Variants in ZCCHC14 observed in about 807,000 individuals in gnomAD.
The protein encoded by ZCCHC14 is zinc finger CCHC-type containing 14.
ZCCHC14 carries 16 observed loss-of-function variants against 85.0 expected under a neutral mutation model. That is an observed-to-expected ratio of 0.19 (90% confidence interval 0.13 to 0.29). ZCCHC14 has a LOEUF of 0.29. Ranked by LOEUF, ZCCHC14 falls within the 10% of genes least tolerant of loss-of-function variation. ZCCHC14 has a pLI of 1.00. For synonymous variants in ZCCHC14, 775 were observed against 630.7 expected (o/e 1.23, Z -3.43); for missense variants, 1,303 against 1,443.5 (o/e 0.90, Z 1.58).
chr16:87,492,395 G>A lies in ZCCHC14; in HGVS notation c.-157C>T, dbSNP rs1912810049. Reference sequence around the variant, plus strand: ...CGCGGGCGCCGCGGGCCGGGCGGGCGCCGGGGCGGGGGCGGGGACCGGGGC... The same window carrying A: ...CGCGGGCGCCGCGGGCCGGGCGGGCACCGGGGCGGGGGCGGGGACCGGGGC... On this transcript the variant is annotated 5_prime_UTR_variant, in exon 1 of 13. Transcript: ENST00000671377. This position sits in a 1 kb window ranked among gnomAD's most constrained non-coding sequence, Gnocchi z 6.7. Among the ~76,000 whole-genome samples, 1 of 144,462 alleles carries A rather than the reference G, an allele frequency of 6.9e-6. No individual in the cohort carries two copies. The allele number at this position is 144,462 out of a possible 152,430, so 94.8% of individuals were successfully genotyped here.
Position 87,412,704 on chromosome 16 carries a change from G to A in ZCCHC14, c.2017C>T (p.Leu673=), listed in dbSNP as rs992661876. The change falls in exon 12 of 13, where the codon CTA becomes TTA. Residue 673 remains leucine (L), a synonymous_variant. Coordinates refer to ENST00000671377, the MANE Select transcript of ZCCHC14 (RefSeq NM_015144.3). ...CCAGATCCTTTATTCCTTTCTTCTA[G>A]AGACAAAAGTGAGTGCACAGAAGAC... ...LSSSVHSLLS[L]EERNKGSGPR... 14 of 1,614,086 alleles carry A rather than the reference G, an allele frequency of 8.7e-6. No homozygotes were observed. The highest frequency in any genetic ancestry group is 1.7e-5 in the Admixed American group (1 of 60,008).
intron 9 of ZCCHC14, among the ~76,000 whole-genome samples, 171 bp from the exon 10 acceptor site, chr16:87,414,712 G>A (rs913763515): frequency 6.6e-6 from 1 of 152,214 alleles, no homozygotes; most frequent in Non-Finnish European, 1.5e-5. Context: ...TTAAGGCAAG[G>A]AACTCATTCT....
At chr16:87,413,899 T>G (rs1176563782) in intron 10 of ZCCHC14, among the ~76,000 whole-genome samples, 1 of 152,210 alleles carries the variant, frequency 6.6e-6, no homozygotes, top group African/African-American at 2.4e-5. Flanking sequence ...TTTCTGGACC[T>G]GATCATTTTG....
At chr16:87,454,723 C>CTA (rs1910868859) in intron 2 of ZCCHC14, among the ~76,000 whole-genome samples, 1 of 152,194 alleles carries the variant, frequency 6.6e-6, no homozygotes, top group Non-Finnish European at 1.5e-5. Context: ...ATATAAAAGA[C>CTA]TATCATCTTT....
chr16:87,475,866 C>T (rs1347717872), intron 1 of ZCCHC14, among the ~76,000 whole-genome samples: 7 of 152,216 alleles, frequency 4.6e-5, no homozygotes, highest in South Asian at 2.1e-4. Context: ...TTTCCCACAG[C>T]TGGCAGAAGG....
chr16:87,477,472 G>C (rs1022937278), intron 1 of ZCCHC14, among the ~76,000 whole-genome samples: 2 of 152,220 alleles, frequency 1.3e-5, no homozygotes, highest in East Asian at 3.8e-4. Flanking sequence ...TCTACCAGCC[G>C]CAGAGTCTGG....
intron 7 of ZCCHC14, among the ~76,000 whole-genome samples, chr16:87,418,176 G>C (rs1908895041): frequency 6.6e-6 from 1 of 152,218 alleles, no homozygotes; most frequent in Non-Finnish European, 1.5e-5. Flanking sequence ...GTCACAGAAT[G>C]ACACTGATAA....
At chr16:87,416,057 C>G (rs1051553429) in intron 8 of ZCCHC14, among the ~76,000 whole-genome samples, 2 of 152,120 alleles carry the variant, frequency 1.3e-5, no homozygotes, top group Non-Finnish European at 2.9e-5. Flanking sequence ...TCCCGAGTAG[C>G]TGGGATTACA....
chr16:87,481,532 G>C (rs1567544332), intron 1 of ZCCHC14, among the ~76,000 whole-genome samples: 1 of 26,986 alleles, frequency 3.7e-5, no homozygotes, highest in Non-Finnish European at 9.9e-5. Flanking sequence ...GAAACGGGGG[G>C]GGGGGGGGGT....
At chr16:87,476,882 T>C (rs540744428) in intron 1 of ZCCHC14, among the ~76,000 whole-genome samples, 3 of 151,550 alleles carry the variant, frequency 2.0e-5, no homozygotes, top group South Asian at 4.2e-4. Flanking sequence ...ATCCCAGCAC[T>C]TTGGAAGGCT....
In ZCCHC14 at chr16:87,413,038, C is replaced by G; in HGVS notation, c.1744+17G>C. The G allele has an allele frequency of 6.2e-7, 1 of 1,614,160 alleles. No homozygotes were observed. The highest frequency in any genetic ancestry group is 8.5e-7 in the Non-Finnish European group (1 of 1,180,032). ...CAGCTGGGCCAGGTCGAGCCAGCGC[C>G]GCGCACGTGCCCTTACGTCTGTCAT... On this transcript the variant is annotated intron_variant, in intron 11 of 12. Coordinates refer to ENST00000671377, the MANE Select transcript of ZCCHC14 (RefSeq NM_015144.3).
At chr16:87,414,258 A>C (rs976677107) in intron 10 of ZCCHC14, among the ~76,000 whole-genome samples, 156 bp downstream of exon 10, 5 of 151,586 alleles carry the variant, frequency 3.3e-5, no homozygotes, top group African/African-American at 1.2e-4. Context: ...TCTGTGTACG[A>C]GTAACCCACC....
intron 1 of ZCCHC14, among the ~76,000 whole-genome samples, chr16:87,490,891 C>T (rs1203007149): frequency 6.6e-6 from 1 of 152,258 alleles, no homozygotes; most frequent in Admixed American, 6.5e-5. Context: ...CTCACACGGA[C>T]AGCCATGTCC....
intron 6 of ZCCHC14, 49 bp downstream of exon 6, chr16:87,419,734 C>G: frequency 7.5e-7 from 1 of 1,336,010 alleles, no homozygotes; most frequent in Non-Finnish European, 1.0e-6. Flanking sequence ...CTGCGCCCAG[C>G]TGTTTTTTTT....
chr16:87,487,786 G>C (rs1912577592), intron 1 of ZCCHC14, among the ~76,000 whole-genome samples: 1 of 152,214 alleles, frequency 6.6e-6, no homozygotes, highest in African/African-American at 2.4e-5. Context: ...CTTCACACAG[G>C]GGAACGCCAC....
rs1247477199 is a variant in ZCCHC14, at chr16:87,413,059, G to A, written c.1740C>T (p.Asp580=). 2 of 1,614,170 alleles carry A rather than the reference G, an allele frequency of 1.2e-6. No individual in the cohort carries two copies. The highest frequency in any genetic ancestry group is 2.2e-5 in the South Asian group (2 of 91,088). The change falls in exon 11 of 13, where the codon GAC becomes GAT. Residue 580 remains aspartate (D), a synonymous_variant. Transcript: ENST00000671377. ...GCGCCGCGCACGTGCCCTTACGTCT[G>A]TCATTCTCCTCAGCGCTGTCGGAGC... ...EESSDSAEEN[D]RRVEIHLESS...
chr16:87,453,030 G>A (rs149525388), intron 2 of ZCCHC14, among the ~76,000 whole-genome samples: 258 of 152,366 alleles, frequency 1.7e-3, no homozygotes, highest in African/African-American at 5.9e-3. Flanking sequence ...CTTGACAGAG[G>A]AGTGGACACA....
At chr16:87,411,197 C>T (rs950666886) in intron 12 of ZCCHC14, among the ~76,000 whole-genome samples, 30 of 152,332 alleles carry the variant, frequency 2.0e-4, no homozygotes, top group African/African-American at 7.2e-4. Flanking sequence ...CAGTGTTAAG[C>T]CAGGGGGCAG....
intron 1 of ZCCHC14, among the ~76,000 whole-genome samples, chr16:87,461,183 C>T (rs969430897): frequency 6.6e-5 from 10 of 152,316 alleles, no homozygotes; most frequent in Admixed American, 5.2e-4. Flanking sequence ...AAACAAGCCA[C>T]GGGCTAGCCA....
Sources: gnomAD v4.1 joint callset for allele counts (sites outside exome capture counted in the v4.1 genomes callset) on GRCh38, gnomAD v4.1.1 for gene constraint, Gnocchi (gnomAD v3.1) non-coding constraint, MANE v1.5 for transcripts, NCBI Gene and HGNC (gene_info 2026-07-23, HGNC 2026-07-21) for gene names.